Variants in ALPL observed in about 807,000 individuals in gnomAD.
ALPL encodes the protein alkaline phosphatase, tissue-nonspecific isozyme.
ALPL carries 42 observed loss-of-function variants against 51.3 expected under a neutral mutation model. The ratio of observed to expected loss-of-function variants is 0.82; its 90% CI spans 0.64 to 1.06. ALPL has a LOEUF of 1.06. Among genes scored for constraint, ALPL ranks in the 50% least tolerant of loss-of-function variants. ALPL has a pLI of 0.00. For synonymous variants in ALPL, 279 were observed against 296.4 expected, an observed-to-expected ratio of 0.94 and a Z score of 0.60; for missense variants, 589 against 709.4, an observed-to-expected ratio of 0.83 and a Z score of 1.93.
At chr1:21,532,316 C>T (rs1644041351) in intron 1 of ALPL, among the ~76,000 whole-genome samples, 1 of 152,006 alleles carries the variant, frequency 6.6e-6, no homozygotes, top group Non-Finnish European at 1.5e-5. Flanking sequence ...CTGAGCCTCC[C>T]GAGTAGCTGG....
At chr1:21,562,993 G>C in intron 4 of ALPL, 117 bp from the exon 5 acceptor site, 1 of 1,393,928 alleles carries the variant, frequency 7.2e-7, no homozygotes, top group Non-Finnish European at 1.0e-6. Context: ...CCTGGTCAAG[G>C]CTATGGGGTC....
chr1:21,575,916 C>CT lies in ALPL; in HGVS notation c.1182dup (p.Ile395TyrfsTer10), dbSNP rs754826836. 7 of 1,614,234 alleles carry CT rather than the reference C, an allele frequency of 4.3e-6. No individual in the cohort carries two copies. Among genetic ancestry groups the CT allele is most frequent in the South Asian group, 1.1e-5 (1 of 91,086 alleles). ...GGTGGATACACCCCCCGTGGCAACT[C>CT]TATCTTTGGTAGGTGGGCCTTCTTT... On this transcript the variant is annotated frameshift_variant, in exon 10 of 12. Transcript: ENST00000374840. LOFTEE classifies it high-confidence loss of function.
chr1:21,516,017 C>A (rs562363106), intron 1 of ALPL, among the ~76,000 whole-genome samples: 2 of 152,092 alleles, frequency 1.3e-5, no homozygotes, highest in South Asian at 4.2e-4. Flanking sequence ...TAGCTGGGAC[C>A]ACAGGCATTC....
At position 21,546,688 on chromosome 1, in the gene ALPL, A is replaced by G. The variant is rs1322542810; in HGVS notation, c.-104-7290A>G. On this transcript the variant is annotated intron_variant, in intron 1 of 11. Transcript: ENST00000374840. The stretch of plus-strand genomic sequence containing the variant: ...ACTAAAGCCTCCGTAGGCTGCTGCT[A>G]TCTCAGTTCTGAGGTACGGGCCGTG... Among the ~76,000 whole-genome samples, 8 of 152,218 alleles carry G rather than the reference A, an allele frequency of 5.3e-5. No homozygotes were observed. In the East Asian group the frequency reaches 1.5e-3, roughly 29 times the overall value.
chr1:21,560,876 G>A lies in ALPL; in HGVS notation c.181+131G>A, dbSNP rs1045703213. ...GAGGAAGGGTGTTTAAAAGGATGAG[G>A]GGCCAGGCTGTGGATTCAAGAGGCC... On this transcript the variant is annotated intron_variant, in intron 3 of 11. Coordinates refer to ENST00000374840, the MANE Select transcript of ALPL (RefSeq NM_000478.6). The A allele has an allele frequency of 1.9e-5, 25 of 1,283,746 alleles. No homozygotes were observed. The Middle Eastern group carries it at 7.8e-4, about 40-fold the overall frequency. The allele number at this position is 1,283,746 out of a possible 1,614,324, so 79.5% of individuals were successfully genotyped here. A position where few individuals can be genotyped will look rare whatever the true frequency, so the allele number is the denominator to read the frequency against.
rs1333145137 is a variant in ALPL at position 21,570,387 on chromosome 1, G to T, written c.862+13G>T. On this transcript the variant is annotated intron_variant, in intron 8 of 11. Transcript: ENST00000374840. The stretch of plus-strand genomic sequence containing the variant: ...GACTACCTATTGGGTAAGTGGAGGG[G>T]GTGGAGGGGAGGATGCATGGCTCGG... 2.5e-6 allele frequency: 4 copies of T among 1,613,392 alleles called. No homozygotes were observed. The African/African-American group carries it at 5.3e-5, about 22-fold the overall frequency.
chr1:21,576,771 T>C (rs1390476118), intron 11 of ALPL, 130 bp downstream of exon 11: 1 of 1,272,388 alleles, frequency 7.9e-7, no homozygotes, highest in African/African-American at 1.5e-5. Context: ...CCAGTTTGAT[T>C]GTTGAGTCCC....
Position 21,575,732 on chromosome 1 carries a change from G to A in ALPL, c.998-1G>A. 1 of 1,614,166 alleles carries A rather than the reference G, an allele frequency of 6.2e-7. No homozygotes were observed. The highest frequency in any genetic ancestry group is 8.5e-7 in the Non-Finnish European group (1 of 1,180,026). ...CGAGGCCTTTGCCTTGGTGTCCCAAGGAGGCAGAATTGACCACGGGCACCA... is the reference window on the plus strand; with the variant it reads ...CGAGGCCTTTGCCTTGGTGTCCCAAAGAGGCAGAATTGACCACGGGCACCA... On this transcript the variant is annotated splice_acceptor_variant, in intron 9 of 11. Transcript: ENST00000374840. LOFTEE classifies it high-confidence loss of function.
intron 1 of ALPL, among the ~76,000 whole-genome samples, chr1:21,548,911 A>G (rs1428687408): frequency 2.0e-5 from 3 of 152,050 alleles, no homozygotes; most frequent in Non-Finnish European, 4.4e-5. Context: ...GATTCTTTAC[A>G]TTCATCACTC....
chr1:21,523,591 G>A (rs962438002), intron 1 of ALPL, among the ~76,000 whole-genome samples: 2 of 152,198 alleles, frequency 1.3e-5, no homozygotes, highest in Admixed American at 1.3e-4. Flanking sequence ...ACACCCTGAG[G>A]CTGGGCCCAG....
intron 1 of ALPL, among the ~76,000 whole-genome samples, chr1:21,533,375 G>A (rs935481572): frequency 2.0e-5 from 3 of 152,178 alleles, no homozygotes; most frequent in African/African-American, 7.2e-5. Flanking sequence ...CTTTCAGTTT[G>A]GTAGATTCTT....
chr1:21,570,025 A>T (rs1644623471), intron 7 of ALPL, among the ~76,000 whole-genome samples: 1 of 151,856 alleles, frequency 6.6e-6, no homozygotes, highest in Non-Finnish European at 1.5e-5. Context: ...TCCTCCAGGG[A>T]CCCATTAGAA....
chr1:21,534,892 AC>A (rs1335015819), intron 1 of ALPL, among the ~76,000 whole-genome samples: 2 of 152,002 alleles, frequency 1.3e-5, no homozygotes, highest in Non-Finnish European at 2.9e-5. Context: ...TCTTGGTGAG[AC>A]CTTCTCTGAT....
intron 7 of ALPL, among the ~76,000 whole-genome samples, chr1:21,569,132 A>T (rs1780318): frequency 0.94 from 142,687 of 152,134 alleles, 66,951 homozygotes; most frequent in East Asian, 0.99. Context: ...CCCCGTGGGG[A>T]TGGTGGGGGT....
intron 3 of ALPL, 80 bp downstream of exon 3, chr1:21,560,825 G>A: frequency 6.3e-7 from 1 of 1,578,816 alleles, no homozygotes; most frequent in Non-Finnish European, 8.7e-7. Flanking sequence ...GTTGAAGGGG[G>A]CTGTGTTGAA....
intron 8 of ALPL, among the ~76,000 whole-genome samples, chr1:21,570,794 G>A (rs1486274851): frequency 6.6e-6 from 1 of 152,176 alleles, no homozygotes; most frequent in Non-Finnish European, 1.5e-5. Context: ...CCATCCTGAC[G>A]ATTGCCCTCC....
Position 21,564,003 on chromosome 1 carries a change from CTG to C in ALPL, c.473-35_473-34del. On this transcript the variant is annotated intron_variant, in intron 5 of 11. Coordinates refer to ENST00000374840, the MANE Select transcript of ALPL (RefSeq NM_000478.6). This position sits in a 1 kb window ranked among gnomAD's most constrained non-coding sequence, Gnocchi z 5.8. ...GAGGAGGCCTCTGGGACACCCCGATCTGTGGATAAAGCCAAACCCGCCCCTCC... is the reference window on the plus strand; with the variant it reads ...GAGGAGGCCTCTGGGACACCCCGATCTGGATAAAGCCAAACCCGCCCCTCC... The C allele has an allele frequency of 6.2e-7, 1 of 1,610,332 alleles. No homozygotes were observed. Among genetic ancestry groups the C allele is most frequent in the Non-Finnish European group, 8.5e-7 (1 of 1,179,742 alleles).
intron 1 of ALPL, among the ~76,000 whole-genome samples, chr1:21,543,415 G>A (rs943700140): frequency 1.3e-5 from 2 of 151,700 alleles, no homozygotes; most frequent in Non-Finnish European, 2.9e-5. Flanking sequence ...ATATACACAC[G>A]TTTAACTACT....
chr1:21,575,610 C>A, intron 9 of ALPL, 123 bp from the exon 10 acceptor site: 1 of 1,173,388 alleles, frequency 8.5e-7, no homozygotes, highest in Non-Finnish European at 1.3e-6. Context: ...CAGAGTGGTG[C>A]CCGGCGAAGG....
Sources: gnomAD v4.1 joint callset for allele counts (sites outside exome capture counted in the v4.1 genomes callset) on GRCh38, gnomAD v4.1.1 for gene constraint, Gnocchi (gnomAD v3.1) non-coding constraint, MANE v1.5 for transcripts, NCBI Gene and HGNC (gene_info 2026-07-23, HGNC 2026-07-21) for gene names.